Variants in ANKRD12 observed in about 807,000 individuals in gnomAD.
ANKRD12 encodes the protein ankyrin repeat domain-containing protein 12.
In ANKRD12, 85 loss-of-function variants were observed where a neutral mutation model predicts 183.4. The observed-to-expected ratio is 0.46, with a 90% confidence interval of 0.39 to 0.56. The LOEUF is 0.56. Ranked by LOEUF, ANKRD12 falls within the 20% of genes least tolerant of loss-of-function variation. The pLI, the probability that ANKRD12 is intolerant of heterozygous loss-of-function variation, is 0.00. For missense variants in ANKRD12, 2,405 were observed against 2,357.1 expected, an observed-to-expected ratio of 1.02 and a Z score of -0.42; for synonymous variants, 914 against 800.2, an observed-to-expected ratio of 1.14 and a Z score of -2.40.
chr18:9,180,637 T>C (rs755442847), intron 1 of ANKRD12, among the ~76,000 whole-genome samples: 1 of 152,174 alleles, frequency 6.6e-6, no homozygotes, highest in African/African-American at 2.4e-5. Context: ...GATTACAGTA[T>C]ACATCTTGCA....
intron 10 of ANKRD12, among the ~76,000 whole-genome samples, chr18:9,268,797 A>G (rs1472259940): frequency 6.6e-6 from 1 of 152,178 alleles, no homozygotes; most frequent in Non-Finnish European, 1.5e-5. Context: ...GAAGGAAATA[A>G]AGGGTATTCA....
intron 1 of ANKRD12, among the ~76,000 whole-genome samples, chr18:9,146,571 T>C (rs757708500): frequency 6.6e-6 from 1 of 152,238 alleles, no homozygotes; most frequent in Non-Finnish European, 1.5e-5. Context: ...TTCTTTTGCA[T>C]TGATGTTGGA....
chr18:9,260,005 A>G (rs1021808035), intron 9 of ANKRD12: 44 of 152,336 alleles, frequency 2.9e-4, no homozygotes, highest in African/African-American at 1.1e-3. Flanking sequence ...AGCTAATAAT[A>G]AGAACTCCAG....
intron 10 of ANKRD12, among the ~76,000 whole-genome samples, chr18:9,273,946 A>G (rs2039719608): frequency 6.6e-6 from 1 of 152,262 alleles, no homozygotes; most frequent in Non-Finnish European, 1.5e-5. Flanking sequence ...AAGACGTGGC[A>G]AAACCTGAGT....
chr18:9,169,483 T>C (rs2032458193), intron 1 of ANKRD12, among the ~76,000 whole-genome samples: 1 of 152,248 alleles, frequency 6.6e-6, no homozygotes, highest in Non-Finnish European at 1.5e-5. Context: ...TCTTTGTCTC[T>C]TTTGATCTTT....
intron 1 of ANKRD12, among the ~76,000 whole-genome samples, chr18:9,165,098 G>T (rs1212849289): frequency 6.6e-6 from 1 of 152,094 alleles, no homozygotes; most frequent in East Asian, 1.9e-4. Flanking sequence ...GGTTGCATAT[G>T]TACTTAGGAT....
At chr18:9,248,288 CT>C (rs531398707) in intron 8 of ANKRD12, among the ~76,000 whole-genome samples, 204 of 152,292 alleles carry the variant, frequency 1.3e-3, no homozygotes, top group African/African-American at 4.6e-3. Flanking sequence ...CATCGGACTT[CT>C]TTTGAAACAT....
At chr18:9,169,287 G>A (rs1010820381) in intron 1 of ANKRD12, among the ~76,000 whole-genome samples, 6 of 152,210 alleles carry the variant, frequency 3.9e-5, no homozygotes, top group South Asian at 2.1e-4. Flanking sequence ...TTTCTGTCTC[G>A]TTGATCTGTC....
chr18:9,157,550 GGTGTGT>G lies in ANKRD12; in HGVS notation c.-52+20616_-52+20621del, dbSNP rs71168037. On this transcript the variant is annotated intron_variant, in intron 1 of 12. Coordinates refer to ENST00000262126, the MANE Select transcript of ANKRD12 (RefSeq NM_015208.5). ...AATGGTAAATTTTATGGTGTGTGTGGGTGTGTGTGTGTGTGTGTGTGTGTGTGTGTG... is the reference window on the plus strand; with the variant it reads ...AATGGTAAATTTTATGGTGTGTGTGGGTGTGTGTGTGTGTGTGTGTGTGTG... 5.9e-4 allele frequency among the ~76,000 whole-genome samples: 67 copies of G among 114,522 alleles called. 1 individual carries two copies. The highest frequency in any genetic ancestry group is 1.6e-3 in the East Asian group (7 of 4,370). The allele number at this position is 114,522 out of a possible 152,430, so 75.1% of individuals were successfully genotyped here.
intron 1 of ANKRD12, among the ~76,000 whole-genome samples, chr18:9,161,598 G>A (rs1223203808): frequency 1.3e-5 from 2 of 151,754 alleles, no homozygotes; most frequent in Non-Finnish European, 2.9e-5. Flanking sequence ...GGATGGTCTC[G>A]ATCTGCTGAC....
intron 8 of ANKRD12, among the ~76,000 whole-genome samples, chr18:9,240,744 A>G (rs919550744): frequency 6.6e-6 from 1 of 152,206 alleles, no homozygotes; most frequent in African/African-American, 2.4e-5. Flanking sequence ...ATGCTCCATT[A>G]ATAAATAGGC....
intron 1 of ANKRD12, among the ~76,000 whole-genome samples, chr18:9,149,798 A>ATTTTTATT (rs1568221285): frequency 8.5e-6 from 1 of 118,304 alleles, no homozygotes; most frequent in African/African-American, 3.2e-5. Context: ...ATTAAATTTT[A>ATTTTTATT]TTTTTTTTTT....
At chr18:9,226,115 C>T (rs2036694062) in intron 8 of ANKRD12, among the ~76,000 whole-genome samples, 3 of 152,102 alleles carry the variant, frequency 2.0e-5, no homozygotes, top group African/African-American at 7.2e-5. Flanking sequence ...TATAATCCAA[C>T]ACCATCAAGA....
chr18:9,266,160 G>A (rs1198658384), intron 10 of ANKRD12, among the ~76,000 whole-genome samples: 3 of 152,192 alleles, frequency 2.0e-5, no homozygotes, highest in African/African-American at 7.2e-5. Context: ...TGAAAGTGAC[G>A]GGGAGAATGG....
chr18:9,224,746 T>C lies in ANKRD12; in HGVS notation c.943+2747T>C, dbSNP rs112346996. Among the ~76,000 whole-genome samples, 954 of 152,312 alleles carry C rather than the reference T, an allele frequency of 6.3e-3. 9 individuals are homozygous for C. The highest frequency in any genetic ancestry group is 0.022 in the African/African-American group (904 of 41,562). On this transcript the variant is annotated intron_variant, in intron 8 of 12. Transcript: ENST00000262126. ...GTGTGTAAAGCTGTTAACATATTAGTGCTTATAATACTGAAAATTTAGAAT... is the reference window on the plus strand; with the variant it reads ...GTGTGTAAAGCTGTTAACATATTAGCGCTTATAATACTGAAAATTTAGAAT...
chr18:9,247,968 G>A (rs748886246), intron 8 of ANKRD12, among the ~76,000 whole-genome samples: 79 of 152,184 alleles, frequency 5.2e-4, no homozygotes, highest in Non-Finnish European at 1.0e-3. Context: ...TGTGTTTTTA[G>A]TAGAGACAGC....
chr18:9,233,339 G>A (rs1179049807), intron 8 of ANKRD12, among the ~76,000 whole-genome samples: 1 of 151,724 alleles, frequency 6.6e-6, no homozygotes, highest in Non-Finnish European at 1.5e-5. Flanking sequence ...TGATTTCTTT[G>A]TATTGTCTTT....
rs1219768484 is a variant in ANKRD12, at chr18:9,254,274, A to C, written c.1007A>C (p.Glu336Ala). ...SVDENIDSET[E>A]KDSLICESKQ... ...GATGAAAATATTGACTCTGAAACAG[A>C]GAAAGACTCTCTCATCTGTGAAAGT... The change falls in exon 9 of 13, where the codon GAG (glutamate) becomes GCG (alanine). Residue 336 changes from glutamate to alanine, a missense_variant. Physicochemically the swap from Glu to Ala is moderately radical, Grantham distance 107. Transcript: ENST00000262126. 6.2e-7 allele frequency: 1 copy of C among 1,609,742 alleles called. No individual in the cohort carries two copies. The highest frequency in any genetic ancestry group is 1.1e-5 in the South Asian group (1 of 89,950).
chr18:9,159,098 G>A (rs1229835855), intron 1 of ANKRD12, among the ~76,000 whole-genome samples: 1 of 152,060 alleles, frequency 6.6e-6, no homozygotes, highest in Non-Finnish European at 1.5e-5. Flanking sequence ...TCCTGCCTTG[G>A]CCTAGGATCA....
Sources: gnomAD v4.1 joint callset for allele counts (sites outside exome capture counted in the v4.1 genomes callset) on GRCh38, gnomAD v4.1.1 for gene constraint, MANE v1.5 for transcripts, NCBI Gene and HGNC (gene_info 2026-07-23, HGNC 2026-07-21) for gene names.